NRXN3: variants seen among roughly 807,000 people sequenced by gnomAD.
NRXN3 encodes the protein neurexin 3.
In NRXN3, 32 loss-of-function variants were observed where a neutral mutation model predicts 137.6. That is an observed-to-expected ratio of 0.23 (90% CI 0.18 to 0.31). The LOEUF is 0.31. Among genes scored for constraint, NRXN3 ranks in the 10% least tolerant of loss-of-function variants. NRXN3 has a pLI of 1.00. For synonymous variants in NRXN3, 798 were observed against 784.5 expected (o/e 1.02, Z -0.29); for missense variants, 1,574 against 2,062.5 (o/e 0.76, Z 4.59).
rs2067232583 is a variant in NRXN3, at chr14:78,243,022, C to T, written c.-72C>T. 8.6e-7 allele frequency: 1 copy of T among 1,158,118 alleles called. No homozygotes were observed. Among genetic ancestry groups the T allele is most frequent in the Non-Finnish European group, 1.2e-6 (1 of 842,638 alleles). The allele number at this position is 1,158,118 out of a possible 1,614,324, so 71.7% of individuals were successfully genotyped here. ...TGTCTTGTCTTTCCCACTTCTATTG[C>T]CAAAGGGAGAGATCCTCTCCGGGCT... On this transcript the variant is annotated 5_prime_UTR_variant, in exon 2 of 21. Transcript: ENST00000335750. This position sits in a 1 kb window ranked among gnomAD's most constrained non-coding sequence, Gnocchi z 4.2.
chr14:79,486,449 C>G (rs1473639533), intron 16 of NRXN3, among the ~76,000 whole-genome samples: 2 of 152,216 alleles, frequency 1.3e-5, no homozygotes, highest in Non-Finnish European at 2.9e-5. Flanking sequence ...ATGAACCAAC[C>G]TTGGCACCCC....
At chr14:79,790,063 A>T (rs1380410189) in intron 19 of NRXN3, among the ~76,000 whole-genome samples, 1 of 152,198 alleles carries the variant, frequency 6.6e-6, no homozygotes, top group African/African-American at 2.4e-5. Flanking sequence ...TGTTTCCAAG[A>T]TATTTAATCA....
intron 4 of NRXN3, among the ~76,000 whole-genome samples, chr14:78,619,323 C>T (rs1360995991): frequency 3.3e-5 from 5 of 152,178 alleles, no homozygotes. Context: ...CCCCCTCCCA[C>T]ACCCACTGTT....
intron 15 of NRXN3, among the ~76,000 whole-genome samples, chr14:79,444,590 T>C (rs61295692): frequency 0.36 from 54,544 of 152,068 alleles, 10,093 homozygotes; most frequent in South Asian, 0.49. Flanking sequence ...TTTGGGAGGC[T>C]GACACCAGTA....
chr14:79,687,044 A>G (rs2098698185), intron 17 of NRXN3, among the ~76,000 whole-genome samples: 1 of 152,188 alleles, frequency 6.6e-6, no homozygotes, highest in South Asian at 2.1e-4. Context: ...GTTCCAAGAC[A>G]TTAATTTCTT....
intron 20 of NRXN3, among the ~76,000 whole-genome samples, chr14:79,852,216 G>A (rs2099392885): frequency 7.3e-6 from 1 of 137,118 alleles, no homozygotes; most frequent in Non-Finnish European, 1.6e-5. Context: ...TGTCAATACA[G>A]GTTCTAGTTC....
chr14:79,365,228 C>T (rs2093836034), intron 15 of NRXN3, among the ~76,000 whole-genome samples: 1 of 152,000 alleles, frequency 6.6e-6, no homozygotes. Context: ...CATTTCTTGG[C>T]ATCTGGCAGT....
At chr14:78,350,622 CAGTT>C (rs1173278504) in intron 4 of NRXN3, among the ~76,000 whole-genome samples, 1 of 152,034 alleles carries the variant, frequency 6.6e-6, no homozygotes, top group African/African-American at 2.4e-5. Context: ...TATATTAAGA[CAGTT>C]AGATTTGCAT....
chr14:79,227,286 C>G (rs2071110101), intron 15 of NRXN3, among the ~76,000 whole-genome samples: 1 of 152,058 alleles, frequency 6.6e-6, no homozygotes, highest in Non-Finnish European at 1.5e-5. Flanking sequence ...GGTGGCATTG[C>G]CTTTGGTGCA....
At chr14:79,430,836 AC>A (rs1324092140) in intron 15 of NRXN3, among the ~76,000 whole-genome samples, 1 of 152,176 alleles carries the variant, frequency 6.6e-6, no homozygotes, top group Non-Finnish European at 1.5e-5. Flanking sequence ...TGCTGTTCTT[AC>A]ATTTATGACT....
At chr14:78,853,611 C>T (rs1351676270) in intron 10 of NRXN3, among the ~76,000 whole-genome samples, 3 of 152,034 alleles carry the variant, frequency 2.0e-5, no homozygotes, top group Non-Finnish European at 4.4e-5. Flanking sequence ...TGATAAAATA[C>T]GTGTATTACA....
intron 16 of NRXN3, among the ~76,000 whole-genome samples, chr14:79,525,281 G>T (rs2097108302): frequency 6.6e-6 from 1 of 152,080 alleles, no homozygotes; most frequent in Non-Finnish European, 1.5e-5. Flanking sequence ...ATTTTTTAAA[G>T]ACCTTCTAAC....
chr14:78,780,191 T>G (rs2098763863), intron 8 of NRXN3, among the ~76,000 whole-genome samples: 2 of 152,142 alleles, frequency 1.3e-5, no homozygotes, highest in Non-Finnish European at 2.9e-5. Context: ...CAGGTAGACA[T>G]TGAAAATCAT....
chr14:78,447,806 A>T (rs939768308), intron 4 of NRXN3, among the ~76,000 whole-genome samples: 1 of 152,236 alleles, frequency 6.6e-6, no homozygotes, highest in East Asian at 1.9e-4. Flanking sequence ...AAAGCAAGTG[A>T]GGCTCTTATA....
At position 79,650,705 on chromosome 14, in the gene NRXN3, A is replaced by G. The variant is rs17109654; in HGVS notation, c.3445-13073A>G. ...ATGCCCTATACAGAGGATAGGATCA[A>G]TACACACTTGATTTCAAAATTTCTA... is the stretch of plus-strand genomic sequence containing the variant. On this transcript the variant is annotated intron_variant, in intron 16 of 20. Coordinates refer to ENST00000335750, the MANE Select transcript of NRXN3 (RefSeq NM_001330195.2). Among the ~76,000 whole-genome samples the G allele has an allele frequency of 0.021, 3,180 of 152,326 alleles. 181 individuals carry two copies. In the East Asian group the frequency reaches 0.23, roughly 11 times the overall value.
intron 10 of NRXN3, among the ~76,000 whole-genome samples, chr14:78,904,125 A>T (rs1393981285): frequency 1.3e-5 from 2 of 152,102 alleles, no homozygotes; most frequent in African/African-American, 4.8e-5. Context: ...AGATAGTAAA[A>T]GGCAGGCTTG....
At chr14:78,214,078 T>C (rs1306508530) in intron 1 of NRXN3, among the ~76,000 whole-genome samples, 1 of 152,198 alleles carries the variant, frequency 6.6e-6, no homozygotes, top group African/African-American at 2.4e-5. Context: ...GTTTCAACTG[T>C]TCTTCACATA....
chr14:78,294,879 G>T (rs984581825), intron 3 of NRXN3, among the ~76,000 whole-genome samples: 3 of 152,092 alleles, frequency 2.0e-5, no homozygotes, highest in African/African-American at 7.2e-5. Flanking sequence ...TAGAGGTCAG[G>T]GATGATGTCC....
chr14:79,127,373 C>A (rs2056702800), intron 15 of NRXN3, among the ~76,000 whole-genome samples: 1 of 151,926 alleles, frequency 6.6e-6, no homozygotes, highest in South Asian at 2.1e-4. Context: ...GGAAGGGATC[C>A]AGTTTCAGCT....
Sources: gnomAD v4.1 joint callset for allele counts (sites outside exome capture counted in the v4.1 genomes callset) on GRCh38, gnomAD v4.1.1 for gene constraint, Gnocchi (gnomAD v3.1) non-coding constraint, MANE v1.5 for transcripts, NCBI Gene and HGNC (gene_info 2026-07-23, HGNC 2026-07-21) for gene names.